Variants in CSMD1 observed in about 807,000 individuals in gnomAD.
CSMD1 encodes the protein CUB and Sushi multiple domains 1.
CSMD1 carries 213 observed loss-of-function variants against 417.5 expected under a neutral mutation model. The ratio of observed to expected loss-of-function variants is 0.51; its 90% CI spans 0.46 to 0.57. The LOEUF is 0.57. Among genes scored for constraint, CSMD1 ranks in the 20% least tolerant of loss-of-function variants. The pLI, the probability that CSMD1 is intolerant of heterozygous loss-of-function variation, is 0.00. For synonymous variants in CSMD1, 2,862 were observed against 1,736.8 expected, an observed-to-expected ratio of 1.65 and a Z score of -16.11; for missense variants, 6,923 against 4,529.7, an observed-to-expected ratio of 1.53 and a Z score of -15.17.
chr8:4,949,088 G>A (rs561682274), intron 1 of CSMD1, among the ~76,000 whole-genome samples: 1 of 151,870 alleles, frequency 6.6e-6, no homozygotes, highest in Non-Finnish European at 1.5e-5. Flanking sequence ...AACTTTTTTT[G>A]TAACTTTAAT....
intron 3 of CSMD1, among the ~76,000 whole-genome samples, chr8:4,049,179 T>G (rs1430947589): frequency 6.6e-6 from 1 of 152,154 alleles, no homozygotes; most frequent in Non-Finnish European, 1.5e-5. Context: ...TCAAAGAGTC[T>G]ATCTTAGGTG....
At chr8:3,758,865 T>C (rs1436765943) in intron 5 of CSMD1, among the ~76,000 whole-genome samples, 1 of 151,822 alleles carries the variant, frequency 6.6e-6, no homozygotes, top group Non-Finnish European at 1.5e-5. Context: ...GTGGGCCCAA[T>C]GTAATGAAAA....
chr8:4,725,033 T>A (rs1187138537), intron 1 of CSMD1, among the ~76,000 whole-genome samples: 1 of 152,154 alleles, frequency 6.6e-6, no homozygotes, highest in East Asian at 1.9e-4. Context: ...TATTTATACT[T>A]TTGCTATTTT....
At chr8:3,722,793 C>G (rs938479544) in intron 6 of CSMD1, among the ~76,000 whole-genome samples, 1 of 152,194 alleles carries the variant, frequency 6.6e-6, no homozygotes, top group Non-Finnish European at 1.5e-5. Context: ...TGCACTTCTG[C>G]TGTGTAACAA....
chr8:3,987,470 C>G lies in CSMD1; in HGVS notation c.818+10433G>C, dbSNP rs138516537. On this transcript the variant is annotated intron_variant, in intron 5 of 69. Transcript: ENST00000635120. Reference sequence around the variant, plus strand: ...TCTGACTTTTACTTTCATATTCACCCAGCTAGATGAGTATCTTTAATCTCC... The same window carrying G: ...TCTGACTTTTACTTTCATATTCACCGAGCTAGATGAGTATCTTTAATCTCC... 9.8e-5 allele frequency among the ~76,000 whole-genome samples: 15 copies of G among 152,292 alleles called. No individual in the cohort carries two copies. The East Asian group carries it at 2.9e-3, about 29-fold the overall frequency.
At chr8:3,189,577 G>C (rs1796292201) in intron 34 of CSMD1, among the ~76,000 whole-genome samples, 3 of 152,120 alleles carry the variant, frequency 2.0e-5, no homozygotes, top group African/African-American at 4.8e-5. Flanking sequence ...TTTATTAAAA[G>C]GACGTTACAC....
At chr8:3,488,086 G>GTATTATTATTAT (rs34188243) in intron 11 of CSMD1, among the ~76,000 whole-genome samples, 4,175 of 148,280 alleles carry the variant, frequency 0.028, 72 homozygotes, top group Middle Eastern at 0.048. Context: ...GAAACTCATA[G>GTATTATTATTAT]TATTATTATT....
chr8:3,348,892 C>G (rs73657824), intron 21 of CSMD1, among the ~76,000 whole-genome samples: 6,644 of 152,250 alleles, frequency 0.044, 487 homozygotes, highest in African/African-American at 0.15. Flanking sequence ...GCACCTGTCT[C>G]ACAGTGAAAG....
chr8:3,185,924 C>T (rs1821727251), intron 36 of CSMD1, among the ~76,000 whole-genome samples: 1 of 152,084 alleles, frequency 6.6e-6, no homozygotes, highest in African/African-American at 2.4e-5. Flanking sequence ...CTGCATGGCT[C>T]CCGTGACTTG....
intron 29 of CSMD1, among the ~76,000 whole-genome samples, chr8:3,216,338 A>T (rs1323282621): frequency 1.3e-5 from 2 of 152,298 alleles, no homozygotes; most frequent in South Asian, 2.1e-4. Context: ...TTATTTAATC[A>T]TTCAACACAA....
chr8:4,248,891 A>C (rs1393629406), intron 3 of CSMD1, among the ~76,000 whole-genome samples: 1 of 152,152 alleles, frequency 6.6e-6, no homozygotes, highest in Admixed American at 6.5e-5. Context: ...TGTTGGAAAA[A>C]AAAATCCATT....
At chr8:3,231,117 A>G (rs1410971923) in intron 26 of CSMD1, among the ~76,000 whole-genome samples, 2 of 152,200 alleles carry the variant, frequency 1.3e-5, no homozygotes, top group Non-Finnish European at 2.9e-5. Flanking sequence ...CCATCACTCT[A>G]AAATACAGCA....
intron 3 of CSMD1, among the ~76,000 whole-genome samples, chr8:4,042,746 C>A (rs1303649330): frequency 7.1e-6 from 1 of 141,820 alleles, no homozygotes; most frequent in Non-Finnish European, 1.5e-5. Context: ...ACCACAGAGG[C>A]TGGGTAAGAA....
intron 66 of CSMD1, 26 bp downstream of exon 66, chr8:2,951,088 C>A (rs372047319): frequency 2.5e-6 from 4 of 1,602,678 alleles, no homozygotes; most frequent in Non-Finnish European, 2.6e-6. Flanking sequence ...TCACACCATG[C>A]GTTTAGTGAA....
intron 1 of CSMD1, among the ~76,000 whole-genome samples, chr8:4,943,170 G>C (rs1808132927): frequency 6.6e-6 from 1 of 152,174 alleles, no homozygotes; most frequent in African/African-American, 2.4e-5. Context: ...TCTTCATTAT[G>C]TATACCGTTT....
At chr8:4,282,762 G>C (rs78484104) in intron 3 of CSMD1, among the ~76,000 whole-genome samples, 1,814 of 152,238 alleles carry the variant, frequency 0.012, 25 homozygotes, top group African/African-American at 0.041. Context: ...TTAAATGGTA[G>C]TATTTTGAGA....
At chr8:4,155,761 C>T (rs928194686) in intron 3 of CSMD1, among the ~76,000 whole-genome samples, 3 of 152,118 alleles carry the variant, frequency 2.0e-5, no homozygotes, top group South Asian at 2.1e-4. Flanking sequence ...CATTGATCCC[C>T]GGATCTTTCC....
intron 5 of CSMD1, among the ~76,000 whole-genome samples, chr8:3,766,216 C>G (rs1798260152): frequency 6.6e-6 from 1 of 152,182 alleles, no homozygotes; most frequent in East Asian, 1.9e-4. Context: ...CAGTGGTGCG[C>G]TTTCTTCTGC....
intron 2 of CSMD1, among the ~76,000 whole-genome samples, chr8:4,521,706 A>G (rs1297909991): frequency 6.6e-6 from 1 of 152,184 alleles, no homozygotes; most frequent in Non-Finnish European, 1.5e-5. Flanking sequence ...CCTCTGGTAT[A>G]AGCCAAACAT....
Sources: gnomAD v4.1 joint callset for allele counts (sites outside exome capture counted in the v4.1 genomes callset) on GRCh38, gnomAD v4.1.1 for gene constraint, MANE v1.5 for transcripts, NCBI Gene and HGNC (gene_info 2026-07-23, HGNC 2026-07-21) for gene names.